LHFPL6: variants seen among roughly 807,000 people sequenced by gnomAD.
The protein encoded by LHFPL6 is LHFPL tetraspan subfamily member 6 protein.
A neutral mutation model predicts 20.6 loss-of-function variants in LHFPL6; 9 were observed. The ratio of observed to expected loss-of-function variants is 0.44; its 90% CI spans 0.26 to 0.76. LHFPL6 has a LOEUF of 0.76. Among genes scored for constraint, LHFPL6 ranks in the 30% least tolerant of loss-of-function variants. The probability of loss-of-function intolerance (pLI) is 0.20; values close to 1 mark genes in which losing one functional copy is unlikely to be tolerated. For synonymous variants in LHFPL6, 105 were observed against 98.7 expected (o/e 1.06, Z -0.38); for missense variants, 218 against 253.5 (o/e 0.86, Z 0.95).
At chr13:39,549,444 T>C (rs984493369) in intron 2 of LHFPL6, among the ~76,000 whole-genome samples, 20 of 152,070 alleles carry the variant, frequency 1.3e-4, no homozygotes, top group African/African-American at 4.4e-4. Context: ...ATTTCCTAGA[T>C]ACAACACAAA....
intron 3 of LHFPL6, among the ~76,000 whole-genome samples, chr13:39,359,770 T>C (rs1181883082): frequency 6.6e-6 from 1 of 151,582 alleles, no homozygotes; most frequent in Non-Finnish European, 1.5e-5. Flanking sequence ...ACCCCCAGAA[T>C]CTAAAATAAA....
chr13:39,437,500 C>T (rs548556111), intron 2 of LHFPL6, among the ~76,000 whole-genome samples: 1 of 152,314 alleles, frequency 6.6e-6, no homozygotes, highest in African/African-American at 2.4e-5. Context: ...CTGAGGACTT[C>T]CTAGAAGCAG....
At chr13:39,600,293 G>A (rs926188018) in intron 2 of LHFPL6, among the ~76,000 whole-genome samples, 2 of 152,154 alleles carry the variant, frequency 1.3e-5, no homozygotes, top group African/African-American at 4.8e-5. Flanking sequence ...TAAGTTCATA[G>A]TTGTTATATA....
At chr13:39,514,949 T>C (rs1483174184) in intron 2 of LHFPL6, among the ~76,000 whole-genome samples, 1 of 152,206 alleles carries the variant, frequency 6.6e-6, no homozygotes, top group Admixed American at 6.5e-5. Flanking sequence ...AAGATGAACA[T>C]GTGAGTTTTC....
chr13:39,598,244 C>G (rs1249996501), intron 2 of LHFPL6, among the ~76,000 whole-genome samples: 1 of 150,776 alleles, frequency 6.6e-6, no homozygotes, highest in Non-Finnish European at 1.5e-5. Flanking sequence ...AAAACCCAAA[C>G]AATTATGAAA....
chr13:39,500,031 C>T (rs1432032189), intron 2 of LHFPL6, among the ~76,000 whole-genome samples: 1 of 151,884 alleles, frequency 6.6e-6, no homozygotes, highest in Non-Finnish European at 1.5e-5. Context: ...TCAAACTCCT[C>T]TCTCTTACCA....
chr13:39,519,760 T>C (rs1459770275), intron 2 of LHFPL6, among the ~76,000 whole-genome samples: 1 of 151,920 alleles, frequency 6.6e-6, no homozygotes, highest in Admixed American at 6.6e-5. Context: ...AATAAAAGAG[T>C]GGGCACCTGC....
intron 3 of LHFPL6, among the ~76,000 whole-genome samples, chr13:39,344,398 C>T (rs1212986774): frequency 6.6e-6 from 1 of 152,062 alleles, no homozygotes; most frequent in African/African-American, 2.4e-5. Context: ...AGCTCACCTG[C>T]GTAACAAAGT....
At chr13:39,459,674 C>T (rs1003105867) in intron 2 of LHFPL6, among the ~76,000 whole-genome samples, 1 of 152,156 alleles carries the variant, frequency 6.6e-6, no homozygotes, top group Non-Finnish European at 1.5e-5. Flanking sequence ...TCTCCCCATT[C>T]CCTAATGTCA....
chr13:39,346,351 C>T lies in LHFPL6; in HGVS notation c.485-2297G>A, dbSNP rs547161558. Among the ~76,000 whole-genome samples the T allele has an allele frequency of 2.0e-5, 3 of 152,250 alleles. No homozygotes were observed. The East Asian group carries it at 5.8e-4, about 29-fold the overall frequency. On this transcript the variant is annotated intron_variant, in intron 3 of 3. Transcript: ENST00000379589. The stretch of plus-strand genomic sequence containing the variant: ...GTGTCATCCTTGATTTCTCCCTTTC[C>T]ACATCCAATGAATAATTAAAAAATA...
intron 2 of LHFPL6, among the ~76,000 whole-genome samples, chr13:39,575,114 T>TCC (rs993817866): frequency 9.9e-5 from 15 of 152,032 alleles, no homozygotes; most frequent in Non-Finnish European, 1.5e-4. Flanking sequence ...TCCATTCTAT[T>TCC]CCCCGCCTGT....
chr13:39,592,224 A>C (rs562655535), intron 2 of LHFPL6, among the ~76,000 whole-genome samples: 3 of 152,226 alleles, frequency 2.0e-5, no homozygotes, highest in Admixed American at 2.0e-4. Context: ...AGAAAAAAAA[A>C]GTATGTAAAA....
intron 2 of LHFPL6, among the ~76,000 whole-genome samples, chr13:39,426,638 A>G (rs1871645592): frequency 6.6e-6 from 1 of 152,206 alleles, no homozygotes. Context: ...TTCAAGGTTC[A>G]CCCACGGTGC....
At chr13:39,480,622 C>T (rs1233278680) in intron 2 of LHFPL6, among the ~76,000 whole-genome samples, 2 of 152,162 alleles carry the variant, frequency 1.3e-5, no homozygotes, top group South Asian at 4.1e-4. Flanking sequence ...CATGTCCCTC[C>T]CTCTCATGGG....
intron 2 of LHFPL6, among the ~76,000 whole-genome samples, chr13:39,435,202 G>A (rs1285127166): frequency 4.6e-5 from 7 of 151,726 alleles, no homozygotes; most frequent in Non-Finnish European, 1.0e-4. Flanking sequence ...TGAGTTTTTG[G>A]GTTTCAAGCC....
At chr13:39,567,029 G>GTT (rs373103461) in intron 2 of LHFPL6, among the ~76,000 whole-genome samples, 11,981 of 122,952 alleles carry the variant, frequency 0.097, 556 homozygotes, top group East Asian at 0.23. Context: ...GTTAGCCAGG[G>GTT]TTTTTTTTTT....
chr13:39,405,220 G>T (rs1871090065), intron 2 of LHFPL6, among the ~76,000 whole-genome samples: 1 of 152,106 alleles, frequency 6.6e-6, no homozygotes, highest in Non-Finnish European at 1.5e-5. Flanking sequence ...CGTAGTACAG[G>T]CTATCTATCC....
At chr13:39,429,729 C>G (rs552578384) in intron 2 of LHFPL6, among the ~76,000 whole-genome samples, 15 of 152,166 alleles carry the variant, frequency 9.9e-5, no homozygotes, top group Admixed American at 2.6e-4. Flanking sequence ...ATCCTCTTCT[C>G]CCATTCTACT....
At chr13:39,583,857 C>G (rs1872364008) in intron 2 of LHFPL6, among the ~76,000 whole-genome samples, 1 of 152,142 alleles carries the variant, frequency 6.6e-6, no homozygotes, top group Admixed American at 6.5e-5. Flanking sequence ...CCTGACCCAT[C>G]CTCCCTCGTG....
Sources: allele counts gnomAD v4.1 joint callset (sites outside exome capture counted in the v4.1 genomes callset), GRCh38; gene constraint gnomAD v4.1.1; transcripts MANE v1.5; gene names NCBI Gene and HGNC (gene_info 2026-07-23, HGNC 2026-07-21).